The following TBC1D32 variants were observed in gnomAD, a reference collection of about 807,000 sequenced individuals.
TBC1D32 encodes the protein protein broad-minded.
In TBC1D32, 151 loss-of-function variants were observed where a neutral mutation model predicts 170.3. That is an observed-to-expected ratio of 0.89 (90% CI 0.78 to 1.01). The LOEUF (loss-of-function observed/expected upper bound fraction) is 1.01, where lower values mean the gene tolerates loss of function less well. Ranked by LOEUF, TBC1D32 falls within the 50% of genes least tolerant of loss-of-function variation. The pLI is 0.00. For synonymous variants in TBC1D32, 498 were observed against 488.0 expected (o/e 1.02, Z -0.27); for missense variants, 1,464 against 1,457.1 (o/e 1.00, Z -0.08).
intron 30 of TBC1D32, among the ~76,000 whole-genome samples, chr6:121,094,891 T>C (rs960182879): frequency 6.6e-6 from 1 of 152,126 alleles, no homozygotes; most frequent in Non-Finnish European, 1.5e-5. Flanking sequence ...TCCCAGTGTA[T>C]TCCTCGGTTA....
Position 121,281,658 on chromosome 6 carries a change from A to G in TBC1D32, c.1494T>C (p.Thr498=). The G allele has an allele frequency of 6.2e-7, 1 of 1,600,518 alleles. No homozygotes were observed. The highest frequency in any genetic ancestry group is 8.5e-7 in the Non-Finnish European group (1 of 1,172,854). ...SENYSPASMV[T]EVLWILSDQK... ...GATCACTGAGTATCCACAGAACTTC[A>G]GTCACCATACTTGCAGGAGAGTAAT... The change falls in exon 14 of 32, where the codon ACT becomes ACC. Residue 498 remains threonine (T), a synonymous_variant. Coordinates refer to ENST00000398212, the MANE Select transcript of TBC1D32 (RefSeq NM_152730.6).
chr6:121,290,585 A>G (rs915996981), intron 12 of TBC1D32, among the ~76,000 whole-genome samples: 3 of 152,220 alleles, frequency 2.0e-5, no homozygotes, highest in African/African-American at 7.2e-5. Flanking sequence ...TGTGGAAGTC[A>G]GTGTGGCGAT....
chr6:121,181,627 A>G (rs1411509995), intron 22 of TBC1D32, among the ~76,000 whole-genome samples: 1 of 152,054 alleles, frequency 6.6e-6, no homozygotes, highest in Non-Finnish European at 1.5e-5. Context: ...ACTGCTGGGT[A>G]TATATGCAAA....
chr6:121,171,793 A>C (rs1787045720), intron 22 of TBC1D32, among the ~76,000 whole-genome samples: 1 of 152,166 alleles, frequency 6.6e-6, no homozygotes, highest in Admixed American at 6.5e-5. Flanking sequence ...GATTATAAAA[A>C]GTGTTCAAAC....
intron 12 of TBC1D32, among the ~76,000 whole-genome samples, chr6:121,287,953 A>G (rs1236611547): frequency 6.6e-6 from 1 of 152,152 alleles, no homozygotes; most frequent in Non-Finnish European, 1.5e-5. Context: ...TTTGAAACCA[A>G]TGAGAACAAA....
chr6:121,212,028 C>T (rs906804050), intron 21 of TBC1D32, among the ~76,000 whole-genome samples: 6 of 143,136 alleles, frequency 4.2e-5, no homozygotes, highest in East Asian at 2.1e-4. Flanking sequence ...CACACACACA[C>T]GACAAAAGGG....
At chr6:121,320,242 A>G (rs1809526574) in intron 2 of TBC1D32, among the ~76,000 whole-genome samples, 1 of 151,698 alleles carries the variant, frequency 6.6e-6, no homozygotes. Flanking sequence ...AAAAAAAAAA[A>G]AAAGCTGTAC....
At chr6:121,107,494 G>T (rs1012825143) in intron 29 of TBC1D32, among the ~76,000 whole-genome samples, 1 of 151,848 alleles carries the variant, frequency 6.6e-6, no homozygotes, top group Non-Finnish European at 1.5e-5. Flanking sequence ...GCATAGCACA[G>T]TAAATGGATA....
At chr6:121,206,686 G>A (rs1792321345) in intron 21 of TBC1D32, among the ~76,000 whole-genome samples, 1 of 152,156 alleles carries the variant, frequency 6.6e-6, no homozygotes, top group Admixed American at 6.5e-5. Flanking sequence ...GTAGAAGTGT[G>A]TAAATAATAC....
chr6:121,129,506 T>G (rs567782097), intron 25 of TBC1D32, among the ~76,000 whole-genome samples: 1 of 152,332 alleles, frequency 6.6e-6, no homozygotes, highest in South Asian at 2.1e-4. Context: ...AATAGTATAG[T>G]TTATATTGAC....
Position 121,334,368 on chromosome 6 carries a change from C to T in TBC1D32, c.63G>A (p.Gln21=), listed in dbSNP as rs1811600893. 3.7e-6 allele frequency: 6 copies of T among 1,614,134 alleles called. No homozygotes were observed. The highest frequency in any genetic ancestry group is 5.1e-6 in the Non-Finnish European group (6 of 1,180,052). ...MLQAMLRRLF[Q]SVKEKITGAP... ...CACCCGTGATTTTCTCCTTCACGCT[C>T]TGGAACAACCGCCTCAGCATCGCCT... is the stretch of plus-strand genomic sequence containing the variant. Residue 21 remains glutamine (Q), a synonymous_variant, in exon 1 of 32, where the codon CAG becomes CAA. Transcript: ENST00000398212.
intron 15 of TBC1D32, among the ~76,000 whole-genome samples, chr6:121,262,678 T>C (rs1206582853): frequency 1.3e-5 from 2 of 152,074 alleles, no homozygotes; most frequent in African/African-American, 2.4e-5. Flanking sequence ...AGTTTCGCCA[T>C]GTTGGCCAGG....
Position 121,287,736 on chromosome 6 carries a change from G to A in TBC1D32, c.1373-3826C>T, listed in dbSNP as rs143049015. On this transcript the variant is annotated intron_variant, in intron 12 of 31. Transcript: ENST00000398212. ...CACCACACCGCACTTATTCCAAATT[G>A]ACCACATAGTTGGAAGTAAAGTACT... 1.9e-4 allele frequency among the ~76,000 whole-genome samples: 29 copies of A among 152,174 alleles called. No individual in the cohort carries two copies. In the East Asian group the frequency reaches 5.6e-3, roughly 29 times the overall value.
intron 21 of TBC1D32, among the ~76,000 whole-genome samples, chr6:121,220,919 G>A (rs982768108): frequency 6.6e-6 from 1 of 152,084 alleles, no homozygotes; most frequent in East Asian, 1.9e-4. Context: ...GGGATTACAG[G>A]CATGAACAAC....
intron 21 of TBC1D32, among the ~76,000 whole-genome samples, chr6:121,210,955 C>T (rs1792952093): frequency 2.0e-5 from 3 of 150,494 alleles, no homozygotes; most frequent in African/African-American, 7.3e-5. Flanking sequence ...TGTTTTAATC[C>T]ACTGGATTTG....
At position 121,310,859 on chromosome 6, in the gene TBC1D32, T is replaced by C. The variant is rs374576905; in HGVS notation, c.496-12A>G. On this transcript the variant is annotated splice_polypyrimidine_tract_variant and intron_variant, in intron 3 of 31. Transcript: ENST00000398212. Reference sequence around the variant, plus strand: ...CAAAATTTGTAACTCTGTAACACAATTGTCAGGACATTCATTTATTTAGAA... The same window carrying C: ...CAAAATTTGTAACTCTGTAACACAACTGTCAGGACATTCATTTATTTAGAA... 1.9e-5 allele frequency: 27 copies of C among 1,453,072 alleles called. No homozygotes were observed. Among genetic ancestry groups the C allele is most frequent in the Admixed American group, 8.7e-5 (5 of 57,444 alleles). The allele number at this position is 1,453,072 out of a possible 1,614,324, so 90.0% of individuals were successfully genotyped here. A position where few individuals can be genotyped will look rare whatever the true frequency, so the allele number is the denominator to read the frequency against.
chr6:121,233,549 A>G (rs535629462), intron 20 of TBC1D32, among the ~76,000 whole-genome samples: 2 of 152,212 alleles, frequency 1.3e-5, no homozygotes, highest in South Asian at 4.1e-4. Context: ...TTTAGTGTCC[A>G]CTGCACGGAA....
chr6:121,284,458 A>G (rs767609646), intron 12 of TBC1D32, among the ~76,000 whole-genome samples: 1 of 152,158 alleles, frequency 6.6e-6, no homozygotes, highest in Non-Finnish European at 1.5e-5. Flanking sequence ...CTTTGTGTGC[A>G]CTAAAATTTA....
chr6:121,177,899 A>G (rs1297791429), intron 22 of TBC1D32, among the ~76,000 whole-genome samples: 4 of 152,144 alleles, frequency 2.6e-5, no homozygotes, highest in Non-Finnish European at 5.9e-5. Context: ...GGTCAAAACA[A>G]TACTAGGTAG....
Sources: gnomAD v4.1 joint callset for allele counts (sites outside exome capture counted in the v4.1 genomes callset) on GRCh38, gnomAD v4.1.1 for gene constraint, MANE v1.5 for transcripts, NCBI Gene and HGNC (gene_info 2026-07-23, HGNC 2026-07-21) for gene names.